Variants in LIPA observed in about 807,000 individuals in gnomAD.
The protein encoded by LIPA is lipase A, lysosomal acid type.
LIPA carries 26 observed loss-of-function variants against 40.6 expected under a neutral mutation model. The observed-to-expected ratio is 0.64, with a 90% CI of 0.47 to 0.89. The LOEUF is 0.89. Among genes scored for constraint, LIPA ranks in the 40% least tolerant of loss-of-function variants. LIPA has a pLI of 0.00. For missense variants in LIPA, 455 were observed against 479.6 expected, an observed-to-expected ratio of 0.95 and a Z score of 0.48; for synonymous variants, 188 against 168.4, an observed-to-expected ratio of 1.12 and a Z score of -0.90.
intron 1 of LIPA, among the ~76,000 whole-genome samples, chr10:89,341,220 G>A (rs1843866741): frequency 6.6e-6 from 1 of 152,210 alleles, no homozygotes; most frequent in African/African-American, 2.4e-5. Context: ...AGCTGCTGCT[G>A]TAGACAGGGT....
At chr10:89,330,961 A>C (rs1843643388) in intron 1 of LIPA, among the ~76,000 whole-genome samples, 1 of 152,210 alleles carries the variant, frequency 6.6e-6, no homozygotes, top group African/African-American at 2.4e-5. Context: ...CTGCATAGTC[A>C]GTACTGTCAA....
chr10:89,243,663 T>A (rs1842990207), intron 3 of LIPA, among the ~76,000 whole-genome samples: 1 of 151,798 alleles, frequency 6.6e-6, no homozygotes, highest in Admixed American at 6.6e-5. Context: ...CAAGGTCCCA[T>A]AAGTCTCCTT....
chr10:89,352,748 C>T (rs1165971001), intron 2 of LIPA, among the ~76,000 whole-genome samples: 1 of 145,678 alleles, frequency 6.9e-6, no homozygotes, highest in Non-Finnish European at 1.5e-5. Flanking sequence ...ATCAGGCAAA[C>T]CTGCTCCCAT....
intron 2 of LIPA, among the ~76,000 whole-genome samples, chr10:89,354,064 C>T (rs1843976221): frequency 6.6e-6 from 1 of 152,196 alleles, no homozygotes; most frequent in Non-Finnish European, 1.5e-5. Context: ...TTTGCCTTTT[C>T]CCCTCAGTCG....
intron 1 of LIPA, among the ~76,000 whole-genome samples, chr10:89,336,901 C>T (rs1843750636): frequency 6.6e-6 from 1 of 152,196 alleles, no homozygotes; most frequent in African/African-American, 2.4e-5. Context: ...ACATACAGCC[C>T]AAGCCCCAGG....
At position 89,307,264 on chromosome 10, in the gene LIPA, G is replaced by C. The variant is rs368799099; in HGVS notation, c.-2+35347C>G. 7 of 1,613,974 alleles carry C rather than the reference G, an allele frequency of 4.3e-6. No individual in the cohort carries two copies. In the African/African-American group the frequency reaches 5.3e-5, roughly 12 times the overall value. ...CAGATTCTGAGGCTTTGCATGTCTT[G>C]GCATTCCTTCAGGAGCTGAATGAAA... is the stretch of plus-strand genomic sequence containing the variant. On this transcript the variant is annotated intron_variant, in intron 1 of 5. Coordinates refer to the LIPA transcript ENST00000282673.
chr10:89,317,103 G>A (rs1454211505), intron 1 of LIPA, among the ~76,000 whole-genome samples: 1 of 152,194 alleles, frequency 6.6e-6, no homozygotes, highest in Non-Finnish European at 1.5e-5. Context: ...CCACAAAGAT[G>A]GGGAGAAACC....
chr10:89,252,985 G>T (rs1026852010), upstream of LIPA, among the ~76,000 whole-genome samples: 4 of 152,124 alleles, frequency 2.6e-5, no homozygotes, highest in Non-Finnish European at 5.9e-5. Flanking sequence ...AATATTCCTG[G>T]TGGGTCCTAG....
At chr10:89,319,990 A>C (rs181471189) in intron 1 of LIPA, among the ~76,000 whole-genome samples, 1,600 of 152,358 alleles carry the variant, frequency 0.011, 30 homozygotes, top group African/African-American at 0.037. Context: ...CAATAGATGC[A>C]GAAAAGGCCT....
chr10:89,399,546 G>A (rs1213201437), intron 2 of LIPA, among the ~76,000 whole-genome samples: 2 of 152,066 alleles, frequency 1.3e-5, no homozygotes, highest in Non-Finnish European at 2.9e-5. Context: ...GTTAATTTTT[G>A]TATATGGCAT....
intron 1 of LIPA, among the ~76,000 whole-genome samples, chr10:89,322,487 AC>A (rs1451348741): frequency 6.6e-6 from 1 of 151,838 alleles, no homozygotes; most frequent in Non-Finnish European, 1.5e-5. Flanking sequence ...GTGAGTGAGA[AC>A]CCCCTAGGGG....
At chr10:89,396,888 G>T (rs1166224148) in intron 2 of LIPA, among the ~76,000 whole-genome samples, 1 of 152,126 alleles carries the variant, frequency 6.6e-6, no homozygotes. Flanking sequence ...TTGGAGAATT[G>T]TCTACTCAAG....
At chr10:89,305,688 CA>C (rs2133520897) in intron 1 of LIPA, among the ~76,000 whole-genome samples, 2 of 152,202 alleles carry the variant, frequency 1.3e-5, no homozygotes, top group South Asian at 4.2e-4. Context: ...AGCTGTTTAA[CA>C]AAAACTGTCT....
chr10:89,333,137 G>A (rs1257442156), intron 1 of LIPA, among the ~76,000 whole-genome samples: 1 of 152,242 alleles, frequency 6.6e-6, no homozygotes, highest in East Asian at 1.9e-4. Flanking sequence ...CATAATTGGG[G>A]GATATGTCTA....
chr10:89,384,878 T>C (rs1291549090), intron 2 of LIPA: 2 of 708,916 alleles, frequency 2.8e-6, no homozygotes, highest in African/African-American at 1.8e-5. Flanking sequence ...GCCTGAGTTA[T>C]GTAGCATGCA....
chr10:89,344,110 A>T (rs1474410985), upstream of LIPA, among the ~76,000 whole-genome samples: 1 of 152,224 alleles, frequency 6.6e-6, no homozygotes, highest in Admixed American at 6.5e-5. Flanking sequence ...CTCACAGAAG[A>T]TTAAATGTGT....
chr10:89,332,914 T>C (rs1398739126), intron 1 of LIPA, among the ~76,000 whole-genome samples: 1 of 152,174 alleles, frequency 6.6e-6, no homozygotes, highest in African/African-American at 2.4e-5. Context: ...ATCGGGCCAG[T>C]GAAAGCTGGG....
At chr10:89,281,259 G>A (rs924883488) in intron 1 of LIPA, among the ~76,000 whole-genome samples, 4 of 152,040 alleles carry the variant, frequency 2.6e-5, no homozygotes, top group Non-Finnish European at 5.9e-5. Context: ...ACTTTATCAA[G>A]AATGCCCCCC....
chr10:89,279,981 A>G (rs768977553), intron 1 of LIPA, among the ~76,000 whole-genome samples: 5 of 152,256 alleles, frequency 3.3e-5, no homozygotes, highest in Non-Finnish European at 5.9e-5. Context: ...CATTGTTTGT[A>G]ATAGTGATAA....
Sources: allele counts gnomAD v4.1 joint callset (sites outside exome capture counted in the v4.1 genomes callset), GRCh38; gene constraint gnomAD v4.1.1; transcripts MANE v1.5; gene names NCBI Gene and HGNC (gene_info 2026-07-23, HGNC 2026-07-21).